Variants in ZNG1F observed in about 807,000 individuals in gnomAD.
The protein encoded by ZNG1F is zinc-regulated GTPase metalloprotein activator 1F.
chr9:41,157,653 T>G, the ZNG1F span: 176 of 147,838 alleles, frequency 1.2e-3, no homozygotes, highest in African/African-American at 4.1e-3. Context: ...TTTTTTTTCT[T>G]TAATGCACAA....
At chr9:41,173,995 G>A in the ZNG1F span, among the ~76,000 whole-genome samples, 1 of 149,094 alleles carries the variant, frequency 6.7e-6, no homozygotes, top group Non-Finnish European at 1.5e-5. Context: ...GCCAAGGCTG[G>A]CGGATCACCT....
chr9:41,135,894 T>TTCTTAG, the ZNG1F span, among the ~76,000 whole-genome samples: 1 of 103,548 alleles, frequency 9.7e-6, no homozygotes, highest in African/African-American at 4.3e-5. Context: ...TGCTTTTGGG[T>TTCTTAG]TCATGAAATC....
At chr9:41,164,977 C>T in the ZNG1F span, 1 of 1,578,044 alleles carries the variant, frequency 6.3e-7, no homozygotes, top group African/African-American at 1.4e-5. Flanking sequence ...GATCTGTAGG[C>T]ACTTAACACA....
the ZNG1F span, among the ~76,000 whole-genome samples, chr9:41,183,296 T>C: frequency 1.1e-4 from 15 of 136,584 alleles, no homozygotes. Flanking sequence ...TTTTTACATA[T>C]GAGACTTTCA....
chr9:41,154,844 A>C, the ZNG1F span, among the ~76,000 whole-genome samples: 1 of 149,936 alleles, frequency 6.7e-6, no homozygotes, highest in Non-Finnish European at 1.5e-5. Flanking sequence ...ACCTTATACA[A>C]AAATCAATTC....
At chr9:41,139,878 G>C in the ZNG1F span, among the ~76,000 whole-genome samples, 1 of 151,878 alleles carries the variant, frequency 6.6e-6, no homozygotes, top group Non-Finnish European at 1.5e-5. Flanking sequence ...GACAAATATT[G>C]CATGAATCCA....
the ZNG1F span, among the ~76,000 whole-genome samples, chr9:41,141,016 C>T: frequency 6.6e-6 from 1 of 151,596 alleles, no homozygotes. Context: ...GCATAAGCCA[C>T]CACACCCAGC....
chr9:41,180,903 A>T, the ZNG1F span, among the ~76,000 whole-genome samples: 1 of 131,864 alleles, frequency 7.6e-6, no homozygotes, highest in Non-Finnish European at 1.6e-5. Context: ...CTGGTCTTGA[A>T]CTCCTGGCCT....
the ZNG1F span, among the ~76,000 whole-genome samples, chr9:41,155,161 A>G: frequency 3.3e-5 from 5 of 151,508 alleles, no homozygotes; most frequent in African/African-American, 9.7e-5. Context: ...TTTACAAGAA[A>G]AAAGCAAACA....
chr9:41,173,725 ATTT>A, the ZNG1F span, among the ~76,000 whole-genome samples: 3 of 37,994 alleles, frequency 7.9e-5, no homozygotes, highest in Admixed American at 4.0e-4. Flanking sequence ...CCTACAAAGC[ATTT>A]TTTTTTTTTA....
At chr9:41,144,451 AAAGAT>A in the ZNG1F span, among the ~76,000 whole-genome samples, 2 of 131,944 alleles carry the variant, frequency 1.5e-5, no homozygotes, top group South Asian at 5.5e-4. Flanking sequence ...TATTCATTTT[AAAGAT>A]AAGTGAAGAG....
At chr9:41,157,521 G>C in the ZNG1F span, 9 of 139,192 alleles carry the variant, frequency 6.5e-5, no homozygotes, top group African/African-American at 2.4e-4. Flanking sequence ...TCAAAGCTAA[G>C]GTGAAGAAAT....
the ZNG1F span, among the ~76,000 whole-genome samples, chr9:41,201,167 G>A: frequency 1.4e-5 from 2 of 144,706 alleles, no homozygotes; most frequent in Admixed American, 7.2e-5. Context: ...TTGTTCATAA[G>A]TATGTAGTAT....
the ZNG1F span, among the ~76,000 whole-genome samples, chr9:41,147,693 A>AAG: frequency 7.6e-6 from 1 of 131,250 alleles, no homozygotes; most frequent in Non-Finnish European, 1.6e-5. Context: ...AAAAAAAAAA[A>AAG]AGAAAGGCAA....
At chr9:41,157,995 CA>C in the ZNG1F span, 1 of 111,202 alleles carries the variant, frequency 9.0e-6, no homozygotes, top group African/African-American at 3.2e-5. Context: ...TTTCCTTTTT[CA>C]CCCCCCACCC....
chr9:41,201,163 A>T, the ZNG1F span, among the ~76,000 whole-genome samples: 9 of 145,356 alleles, frequency 6.2e-5, no homozygotes, highest in Non-Finnish European at 1.1e-4. Context: ...CAATTTGTTC[A>T]TAAGTATGTA....
At chr9:41,185,675 A>T in the ZNG1F span, among the ~76,000 whole-genome samples, 1 of 151,750 alleles carries the variant, frequency 6.6e-6, no homozygotes, top group South Asian at 2.1e-4. Context: ...CCATCTCAAA[A>T]AAAATAAAAT....
chr9:41,166,432 AATT>A, the ZNG1F span, among the ~76,000 whole-genome samples: 1 of 110,376 alleles, frequency 9.1e-6, no homozygotes, highest in Non-Finnish European at 1.9e-5. Context: ...TAATAATAAT[AATT>A]ATTATTATAC....
chr9:41,185,536 G>A, the ZNG1F span, among the ~76,000 whole-genome samples: 1 of 146,204 alleles, frequency 6.8e-6, no homozygotes, highest in African/African-American at 2.5e-5. Flanking sequence ...ATCTGGGCAT[G>A]GTGGCGCATG....
Sources: gnomAD v4.1 joint callset for allele counts (sites outside exome capture counted in the v4.1 genomes callset) on GRCh38, gnomAD v4.1.1 for gene constraint, MANE v1.5 for transcripts, NCBI Gene and HGNC (gene_info 2026-07-23, HGNC 2026-07-21) for gene names.